The following IRAK3 variants were observed in gnomAD, a reference collection of about 807,000 sequenced individuals.
IRAK3 encodes interleukin-1 receptor-associated kinase 3.
A neutral mutation model predicts 56.6 loss-of-function variants in IRAK3; 57 were observed. The observed-to-expected ratio is 1.01, with a 90% confidence interval of 0.81 to 1.26. The LOEUF is 1.26. Among genes scored for constraint, IRAK3 ranks in the 50% most tolerant of loss-of-function variants. The pLI is 0.00. For synonymous variants in IRAK3, 258 were observed against 255.7 expected (o/e 1.01, Z -0.09); for missense variants, 703 against 719.0 (o/e 0.98, Z 0.25).
At chr12:66,243,252 A>G (rs1237240503) in intron 8 of IRAK3, among the ~76,000 whole-genome samples, 1 of 152,200 alleles carries the variant, frequency 6.6e-6, no homozygotes, top group Non-Finnish European at 1.5e-5. Flanking sequence ...GTTCAGACCT[A>G]TGGAACTGGG....
At chr12:66,231,480 GT>G (rs2052843489) in intron 8 of IRAK3, among the ~76,000 whole-genome samples, 1 of 152,228 alleles carries the variant, frequency 6.6e-6, no homozygotes, top group Non-Finnish European at 1.5e-5. Flanking sequence ...GATGATAATA[GT>G]CTTGTCCTTG....
At chr12:66,234,265 C>T in intron 8 of IRAK3, 2 of 1,613,276 alleles carry the variant, frequency 1.2e-6, no homozygotes, top group Non-Finnish European at 1.7e-6. Context: ...GATGACTCAT[C>T]TGCTGGGCCA....
intron 6 of IRAK3, among the ~76,000 whole-genome samples, chr12:66,224,584 T>C (rs2052767436): frequency 6.6e-6 from 1 of 152,220 alleles, no homozygotes; most frequent in South Asian, 2.1e-4. Context: ...TGGCTTCTGA[T>C]TCCTTTTTTC....
chr12:66,241,908 A>G (rs528715793), intron 8 of IRAK3, among the ~76,000 whole-genome samples: 2 of 152,314 alleles, frequency 1.3e-5, no homozygotes, highest in South Asian at 2.1e-4. Flanking sequence ...CTATGGGTCA[A>G]ATAAAGAATT....
At chr12:66,236,076 T>C (rs1315130559) in intron 8 of IRAK3, among the ~76,000 whole-genome samples, 1 of 152,248 alleles carries the variant, frequency 6.6e-6, no homozygotes, top group African/African-American at 2.4e-5. Context: ...TGATAATCTG[T>C]CATTTTTATG....
rs368883846 is a variant in IRAK3 at position 66,215,786 on chromosome 12, G to GCACGTGCACGTGCGCGCGCGCA, written c.589-1382_589-1381insGTGCACGTGCGCGCGCGCACAC. On this transcript the variant is annotated intron_variant, in intron 5 of 11. Transcript: ENST00000261233. Reference sequence around the variant, plus strand: ...TCCGCCCCCTATTTTAACCCAACATGCACACACACACACACACACACACAC... The same window carrying GCACGTGCACGTGCGCGCGCGCA: ...TCCGCCCCCTATTTTAACCCAACATGCACGTGCACGTGCGCGCGCGCACACACACACACACACACACACACAC... 9.5e-3 allele frequency among the ~76,000 whole-genome samples: 1,166 copies of GCACGTGCACGTGCGCGCGCGCA among 122,878 alleles called. 19 individuals are homozygous for GCACGTGCACGTGCGCGCGCGCA. Among genetic ancestry groups the GCACGTGCACGTGCGCGCGCGCA allele is most frequent in the Non-Finnish European group, 0.017 (978 of 57,360 alleles). The allele number at this position is 122,878 out of a possible 152,430, so 80.6% of individuals were successfully genotyped here. A position where few individuals can be genotyped will look rare whatever the true frequency, so the allele number is the denominator to read the frequency against.
chr12:66,247,705 C>G lies in IRAK3; in HGVS notation c.1325C>G (p.Thr442Ser). 1 of 1,608,396 alleles carries G rather than the reference C, an allele frequency of 6.2e-7. No homozygotes were observed. Among genetic ancestry groups the G allele is most frequent in the Non-Finnish European group, 8.5e-7 (1 of 1,174,814 alleles). The change falls in exon 12 of 12, where the codon ACT (threonine) becomes AGT (serine). Residue 442 changes from threonine to serine, a missense_variant. Coordinates refer to ENST00000261233, the MANE Select transcript of IRAK3 (RefSeq NM_007199.3). ...LRPSMDEVLN[T>S]LESTQASLYF... is the part of the protein sequence containing the mutation. The stretch of plus-strand genomic sequence containing the variant: ...CTTCTTTGTTATTAGGTTTTAAATA[C>G]TCTTGAAAGTACTCAAGCCAGCTTG...
At chr12:66,218,567 A>G (rs542970565) in intron 6 of IRAK3, among the ~76,000 whole-genome samples, 2 of 152,284 alleles carry the variant, frequency 1.3e-5, no homozygotes, top group East Asian at 3.9e-4. Flanking sequence ...CCTAGTATTT[A>G]TTCTTACCTC....
rs531040105 is a variant in IRAK3 at position 66,192,942 on chromosome 12, A to G, written c.133+3510A>G. ...GATTCTAACCAGATGATCAGACTGC[A>G]TATTCTATGTTCTTTTTTTCTTTTC... On this transcript the variant is annotated intron_variant, in intron 1 of 11. Transcript: ENST00000261233. Among the ~76,000 whole-genome samples, 16 of 152,208 alleles carry G rather than the reference A, an allele frequency of 1.1e-4. No individual in the cohort carries two copies. In the South Asian group the frequency reaches 3.3e-3, roughly 32 times the overall value.
intron 2 of IRAK3, 37 bp downstream of exon 2, chr12:66,203,930 T>C: frequency 6.6e-7 from 1 of 1,504,050 alleles, no homozygotes; most frequent in Non-Finnish European, 9.3e-7. Context: ...TCTTAATCTG[T>C]AATAGGAACT....
At position 66,189,420 on chromosome 12, in the gene IRAK3, T is replaced by G; in HGVS notation, c.121T>G (p.Trp41Gly). ...GGACAGCTGCGACGGCGCGCTGGGC[T>G]GGCGCGGCCTGGGTGAGTCGGCGGG... ...VLDSCDGALG[W>G]RGLAERLSSS... The change falls in exon 1 of 12, where the codon TGG becomes GGG. Residue 41 changes from tryptophan to glycine, a missense_variant. Transcript: ENST00000261233. 1 of 1,386,954 alleles carries G rather than the reference T, an allele frequency of 7.2e-7. No individual in the cohort carries two copies. Among genetic ancestry groups the G allele is most frequent in the Non-Finnish European group, 9.4e-7 (1 of 1,068,034 alleles). 85.9% of individuals were successfully genotyped at this position (1,386,954 alleles called of 1,614,324 possible).
At chr12:66,220,586 TCTC>T (rs2052722249) in intron 6 of IRAK3, among the ~76,000 whole-genome samples, 1 of 126,294 alleles carries the variant, frequency 7.9e-6, no homozygotes, top group South Asian at 2.7e-4. Context: ...AGTGGCGGGA[TCTC>T]GGCTCACTGC....
chr12:66,248,345 A>T lies in IRAK3; in HGVS notation c.*174A>T, dbSNP rs577491389. On this transcript the variant is annotated 3_prime_UTR_variant, in exon 12 of 12. Coordinates refer to ENST00000261233, the MANE Select transcript of IRAK3 (RefSeq NM_007199.3). The stretch of plus-strand genomic sequence containing the variant: ...CATTTCTTTTTTCCCAAACCCTCAA[A>T]CAGAGTGCCTTAAAAAATTGTTTTA... 54 of 550,836 alleles carry T rather than the reference A, an allele frequency of 9.8e-5. No individual in the cohort carries two copies. Among genetic ancestry groups the T allele is most frequent in the Admixed American group, 8.4e-4 (27 of 32,192 alleles). The allele number at this position is 550,836 out of a possible 1,614,324, so 34.1% of individuals were successfully genotyped here.
intron 2 of IRAK3, among the ~76,000 whole-genome samples, chr12:66,206,932 T>C (rs1486538836): frequency 1.3e-5 from 2 of 152,216 alleles, no homozygotes; most frequent in Non-Finnish European, 2.9e-5. Flanking sequence ...TTAGTTTCAA[T>C]AGTTTGTGTC....
At chr12:66,233,561 G>A (rs1341684013) in intron 8 of IRAK3, among the ~76,000 whole-genome samples, 3 of 151,244 alleles carry the variant, frequency 2.0e-5, no homozygotes, top group Non-Finnish European at 2.9e-5. Flanking sequence ...AGACACTGAC[G>A]GCAACACTGA....
chr12:66,218,089 G>C (rs2052695980), intron 6 of IRAK3, among the ~76,000 whole-genome samples: 1 of 152,154 alleles, frequency 6.6e-6, no homozygotes, highest in South Asian at 2.1e-4. Flanking sequence ...ACCAGGAAAA[G>C]ATTTTCTCCC....
chr12:66,223,065 GC>G lies in IRAK3; in HGVS notation c.654-3657del, dbSNP rs543695048. ...GTGTCACAAGGTGCTCAGTGGGGGAGCTTTTTGAGCCAGGATGAGCCAGGAG... is the reference window on the plus strand; with the variant it reads ...GTGTCACAAGGTGCTCAGTGGGGGAGTTTTTGAGCCAGGATGAGCCAGGAG... On this transcript the variant is annotated intron_variant, in intron 6 of 11. Coordinates refer to ENST00000261233, the MANE Select transcript of IRAK3 (RefSeq NM_007199.3). Among the ~76,000 whole-genome samples, 1,056 of 152,190 alleles carry G rather than the reference GC, an allele frequency of 6.9e-3. 26 individuals are homozygous for G. The highest frequency in any genetic ancestry group is 0.025 in the African/African-American group (1,018 of 41,498).
At position 66,203,956 on chromosome 12, in the gene IRAK3, G is replaced by A. The variant is rs781702334; in HGVS notation, c.316+63G>A. The stretch of plus-strand genomic sequence containing the variant: ...AATAGGAACTGTAATTTGTAAATTC[G>A]AATATTGCATTTTATCCAAGACATT... On this transcript the variant is annotated intron_variant, in intron 2 of 11. Transcript: ENST00000261233. 4.0e-4 allele frequency: 555 copies of A among 1,377,322 alleles called. 2 individuals are homozygous for A. Among genetic ancestry groups the A allele is most frequent in the Non-Finnish European group, 5.3e-4 (510 of 965,072 alleles). 85.3% of individuals were successfully genotyped at this position (1,377,322 alleles called of 1,614,324 possible). A position where few individuals can be genotyped will look rare whatever the true frequency, so the allele number is the denominator to read the frequency against.
rs987601995 is a variant in IRAK3 at position 66,251,609 on chromosome 12, A to T, written c.*3438A>T. ...AAAACAGGTATGGGATTTCTGATAT[A>T]ATCAATTTTATTGACTTCTTGGGAG... is the stretch of plus-strand genomic sequence containing the variant. On this transcript the variant is annotated 3_prime_UTR_variant, in exon 12 of 12. Transcript: ENST00000261233. The T allele has an allele frequency of 6.6e-5, 10 of 152,304 alleles. No homozygotes were observed. Among genetic ancestry groups the T allele is most frequent in the East Asian group, 3.9e-4 (2 of 5,182 alleles). The allele number at this position is 152,304 out of a possible 1,614,324, so 9.4% of individuals were successfully genotyped here. A position where few individuals can be genotyped will look rare whatever the true frequency, so the allele number is the denominator to read the frequency against.
Sources: allele counts gnomAD v4.1 joint callset (sites outside exome capture counted in the v4.1 genomes callset), GRCh38; gene constraint gnomAD v4.1.1; transcripts MANE v1.5; gene names NCBI Gene and HGNC (gene_info 2026-07-23, HGNC 2026-07-21).